Variants in EPN2 observed in about 807,000 individuals in gnomAD.
EPN2 encodes epsin-2.
EPN2 carries 34 observed loss-of-function variants against 61.7 expected under a neutral mutation model. That is an observed-to-expected ratio of 0.55 (90% CI 0.42 to 0.73). The LOEUF is 0.73. EPN2 is among the 30% of genes least tolerant of loss of function. The pLI, the probability that EPN2 is intolerant of heterozygous loss-of-function variation, is 0.00. For synonymous variants in EPN2, 349 were observed against 353.6 expected (o/e 0.99, Z 0.15); for missense variants, 714 against 839.2 (o/e 0.85, Z 1.84).
intron 4 of EPN2, among the ~76,000 whole-genome samples, chr17:19,300,173 G>A (rs1056271009): frequency 6.6e-6 from 1 of 152,154 alleles, no homozygotes; most frequent in Non-Finnish European, 1.5e-5. Flanking sequence ...AAGGAAGGAG[G>A]CTGACAAATC....
At chr17:19,290,272 GT>G (rs1257308209) in intron 4 of EPN2, among the ~76,000 whole-genome samples, 2 of 152,184 alleles carry the variant, frequency 1.3e-5, no homozygotes, top group African/African-American at 4.8e-5. Flanking sequence ...CCTGGTGGGG[GT>G]GAGCAGCCCA....
chr17:19,296,119 A>C (rs1289135973), intron 4 of EPN2, among the ~76,000 whole-genome samples: 1 of 152,042 alleles, frequency 6.6e-6, no homozygotes, highest in Non-Finnish European at 1.5e-5. Context: ...TGCTTCTCCA[A>C]GTACAGTGAG....
chr17:19,294,394 TG>T, intron 4 of EPN2, among the ~76,000 whole-genome samples: 1 of 152,234 alleles, frequency 6.6e-6, no homozygotes, highest in Non-Finnish European at 1.5e-5. Context: ...CATTCTAGCC[TG>T]GGTGACAAAG....
intron 6 of EPN2, 175 bp from the exon 7 acceptor site, chr17:19,312,930 A>T (rs1906214420): frequency 1.6e-6 from 1 of 640,230 alleles, no homozygotes; most frequent in Non-Finnish European, 2.7e-6. Flanking sequence ...GTGACTGGAG[A>T]GCTGGCTGGA....
At chr17:19,246,638 A>G (rs949961760) in intron 1 of EPN2, among the ~76,000 whole-genome samples, 2 of 151,974 alleles carry the variant, frequency 1.3e-5, no homozygotes, top group Admixed American at 1.3e-4. Context: ...TGAATAAATC[A>G]ATGTGAGCAA....
chr17:19,295,360 A>ATGCG (rs1555600571), intron 4 of EPN2, among the ~76,000 whole-genome samples: 5 of 69,338 alleles, frequency 7.2e-5, no homozygotes, highest in East Asian at 3.0e-4. Flanking sequence ...ACACACACAC[A>ATGCG]CACACACGCG....
intron 5 of EPN2, among the ~76,000 whole-genome samples, chr17:19,310,722 C>T (rs1471860615): frequency 2.0e-5 from 3 of 151,598 alleles, no homozygotes; most frequent in Non-Finnish European, 4.4e-5. Flanking sequence ...GGATTTCAGG[C>T]GCGTGCCACC....
chr17:19,309,886 C>A lies in EPN2; in HGVS notation c.768C>A (p.Ala256=). 6.2e-7 allele frequency: 1 copy of A among 1,605,804 alleles called. No individual in the cohort carries two copies. Among genetic ancestry groups the A allele is most frequent in the East Asian group, 2.2e-5 (1 of 44,878 alleles). ...TGATGACTTGGTCTTCCCCAACAGC[C>A]ACCTCCCCGCGAGTGTCCTCCGAGC... ...PCLTCDRAAR[A]TSPRVSSELE... is the part of the protein sequence containing the mutation. Residue 256 remains alanine (A), a splice_region_variant and synonymous_variant, in exon 5 of 11, where the codon GCC becomes GCA. Coordinates refer to ENST00000314728, the MANE Select transcript of EPN2 (RefSeq NM_014964.5).
intron 1 of EPN2, among the ~76,000 whole-genome samples, chr17:19,257,268 G>C (rs979119477): frequency 4.6e-5 from 7 of 151,726 alleles, no homozygotes; most frequent in South Asian, 2.1e-4. Flanking sequence ...TCCAAAGACT[G>C]TGTAAAAGTC....
intron 5 of EPN2, among the ~76,000 whole-genome samples, chr17:19,310,334 G>A (rs942547337): frequency 1.3e-5 from 2 of 152,162 alleles, no homozygotes; most frequent in African/African-American, 2.4e-5. Context: ...CTCTTTGAAG[G>A]GTGGCATGCA....
intron 1 of EPN2, among the ~76,000 whole-genome samples, chr17:19,259,775 G>A (rs575545355): frequency 2.8e-4 from 42 of 152,360 alleles, no homozygotes; most frequent in Non-Finnish European, 5.4e-4. Context: ...GACTTTGTTC[G>A]CAGATGGGCC....
chr17:19,296,108 C>A (rs1438492760), intron 4 of EPN2, among the ~76,000 whole-genome samples: 4 of 152,126 alleles, frequency 2.6e-5, no homozygotes, highest in African/African-American at 9.7e-5. Flanking sequence ...ACTCTGCGAC[C>A]TGCTTCTCCA....
intron 4 of EPN2, chr17:19,306,240 G>A (rs1905836353): frequency 6.6e-6 from 1 of 152,272 alleles, no homozygotes; most frequent in African/African-American, 2.4e-5. Flanking sequence ...GGCCCATTCA[G>A]GCCTGTCTCA....
rs1405788497 is a variant in EPN2, at chr17:19,331,929, T to A, written c.1488T>A (p.Thr496=). The stretch of plus-strand genomic sequence containing the variant: ...ACCCCTTTGAGTCTCAACCCCTGAC[T>A]GTCGCCTCAAGCAAGCCCAGCAGTG... The part of the protein sequence containing the change: ...SPDPFESQPL[T]VASSKPSSAR... Residue 496 remains threonine, a synonymous_variant, in exon 10 of 11, where the codon ACT becomes ACA. Coordinates refer to ENST00000314728, the MANE Select transcript of EPN2 (RefSeq NM_014964.5). 1 of 1,614,004 alleles carries A rather than the reference T, an allele frequency of 6.2e-7. No individual in the cohort carries two copies. The highest frequency in any genetic ancestry group is 1.3e-5 in the African/African-American group (1 of 74,888).
At position 19,334,151 on chromosome 17, in the gene EPN2, C is replaced by T; in HGVS notation, c.1823C>T (p.Ser608Phe). Residue 608 changes from serine to phenylalanine, a missense_variant, in exon 11 of 11, where the codon TCT (serine) becomes TTT (phenylalanine). Ser to Phe is a radical substitution (Grantham distance 155, BLOSUM62 -2). Coordinates refer to ENST00000314728, the MANE Select transcript of EPN2 (RefSeq NM_014964.5). This position sits in a 1 kb window ranked among gnomAD's most constrained non-coding sequence, Gnocchi z 4.9. ...CCAGCTCTGGGGGCCACTGGTTCCT[C>T]TCTGACACCACTGGGCCCTGCAATG... Reference protein sequence around the residue: ...PQPALGATGSSLTPLGPAMMN... With the variant: ...PQPALGATGSFLTPLGPAMMN... 1 of 1,604,636 alleles carries T rather than the reference C, an allele frequency of 6.2e-7. No individual in the cohort carries two copies. The highest frequency in any genetic ancestry group is 8.5e-7 in the Non-Finnish European group (1 of 1,175,122).
intron 4 of EPN2, among the ~76,000 whole-genome samples, chr17:19,289,869 C>T (rs1250330994): frequency 1.3e-5 from 2 of 151,606 alleles, no homozygotes; most frequent in African/African-American, 4.8e-5. Flanking sequence ...GGATTACAGG[C>T]ACATGTCACC....
chr17:19,247,848 A>C lies in EPN2; in HGVS notation c.-294+10317A>C, dbSNP rs185115896. On this transcript the variant is annotated intron_variant, in intron 1 of 10. Coordinates refer to ENST00000314728, the MANE Select transcript of EPN2 (RefSeq NM_014964.5). ...GTTCTAGAGATGGAGAATGAAGAGA[A>C]GCCAGAGTTGAGTTGTGTTTAGGGA... Among the ~76,000 whole-genome samples the C allele has an allele frequency of 5.3e-4, 81 of 152,298 alleles. 1 individual carries two copies. The highest frequency in any genetic ancestry group is 1.3e-4 in the Non-Finnish European group (9 of 68,026).
At position 19,335,523 on chromosome 17, in the gene EPN2, G is replaced by A; in HGVS notation, c.*1269G>A. 1 of 1,515,290 alleles carries A rather than the reference G, an allele frequency of 6.6e-7. No individual in the cohort carries two copies. Among genetic ancestry groups the A allele is most frequent in the Non-Finnish European group, 8.9e-7 (1 of 1,122,982 alleles). The allele number at this position is 1,515,290 out of a possible 1,614,324, so 93.9% of individuals were successfully genotyped here. On this transcript the variant is annotated 3_prime_UTR_variant, in exon 11 of 11. Transcript: ENST00000314728. ...AATCCACGCTCAGGCTAAAGATGGG[G>A]ATAATGTGGAAATGGCAGTTGTCCC...
At chr17:19,310,537 CTCTTT>C (rs970388165) in intron 5 of EPN2, among the ~76,000 whole-genome samples, 20 of 139,866 alleles carry the variant, frequency 1.4e-4, no homozygotes, top group Non-Finnish European at 2.5e-4. Flanking sequence ...CTTTTCTTTT[CTCTTT>C]TCTTTTCTTT....
Sources: allele counts gnomAD v4.1 joint callset (sites outside exome capture counted in the v4.1 genomes callset), GRCh38; gene constraint gnomAD v4.1.1; non-coding constraint Gnocchi (gnomAD v3.1); transcripts MANE v1.5; gene names NCBI Gene and HGNC (gene_info 2026-07-23, HGNC 2026-07-21).